The following NCKAP5 variants were observed in gnomAD, a reference collection of about 807,000 sequenced individuals.
NCKAP5 encodes nck-associated protein 5.
Under a neutral mutation model 167.0 loss-of-function variants are expected in NCKAP5, and 92 were observed. The observed-to-expected ratio is 0.55, with a 90% CI of 0.47 to 0.66. NCKAP5 has a LOEUF of 0.66. Ranked by LOEUF, NCKAP5 falls within the 30% of genes least tolerant of loss-of-function variation. The pLI is 0.00. For missense variants in NCKAP5, 2,378 were observed against 2,315.0 expected (o/e 1.03, Z -0.56); for synonymous variants, 891 against 877.4 (o/e 1.02, Z -0.27).
At chr2:132,685,941 A>C (rs1241453161) in intron 19 of NCKAP5, among the ~76,000 whole-genome samples, 1 of 152,094 alleles carries the variant, frequency 6.6e-6, no homozygotes, top group Non-Finnish European at 1.5e-5. Flanking sequence ...CCAGCAGTGA[A>C]ATGGAAAGAG....
At chr2:133,409,726 G>T (rs1688662002) in intron 3 of NCKAP5, among the ~76,000 whole-genome samples, 1 of 152,104 alleles carries the variant, frequency 6.6e-6, no homozygotes, top group Non-Finnish European at 1.5e-5. Flanking sequence ...GGTCTACATT[G>T]TTCATCAGAT....
chr2:132,995,566 G>A (rs1252723220), intron 6 of NCKAP5, among the ~76,000 whole-genome samples: 5 of 151,714 alleles, frequency 3.3e-5, no homozygotes, highest in Admixed American at 2.0e-4. Flanking sequence ...CAGGAGAATC[G>A]CTTGAACCTG....
intron 11 of NCKAP5, among the ~76,000 whole-genome samples, chr2:132,839,549 G>A (rs998852828): frequency 4.7e-5 from 7 of 150,224 alleles, no homozygotes; most frequent in Admixed American, 1.3e-4. Flanking sequence ...TTGCTTAAGC[G>A]CAGGAGTTCA....
chr2:133,128,742 C>A (rs2082486815), intron 6 of NCKAP5, among the ~76,000 whole-genome samples: 1 of 152,048 alleles, frequency 6.6e-6, no homozygotes, highest in South Asian at 2.1e-4. Context: ...GGAATACAGG[C>A]ACCTGCCATC....
intron 10 of NCKAP5, among the ~76,000 whole-genome samples, chr2:132,866,895 T>G (rs1267350306): frequency 1.3e-5 from 2 of 152,136 alleles, no homozygotes; most frequent in African/African-American, 4.8e-5. Context: ...AAAAAGAAAT[T>G]TTAGTCTTTT....
chr2:133,599,281 C>G, the NCKAP5 span, among the ~76,000 whole-genome samples: 1 of 152,298 alleles, frequency 6.6e-6, no homozygotes, highest in East Asian at 1.9e-4. Flanking sequence ...TCCTAGAAGG[C>G]ACTTTGAGAA....
At chr2:133,272,938 T>G (rs538236822) in intron 4 of NCKAP5, among the ~76,000 whole-genome samples, 19 of 152,354 alleles carry the variant, frequency 1.2e-4, no homozygotes, top group African/African-American at 4.6e-4. Flanking sequence ...CACATTTTAT[T>G]TATCCATTCA....
chr2:132,758,119 C>T (rs146911747), intron 16 of NCKAP5, among the ~76,000 whole-genome samples: 341 of 152,308 alleles, frequency 2.2e-3, no homozygotes, highest in Admixed American at 3.7e-3. Context: ...TTGAGTTAGC[C>T]TCCTGTCTCC....
Position 133,012,524 on chromosome 2 carries a change from A to G in NCKAP5, c.342-18285T>C, listed in dbSNP as rs140907057. Among the ~76,000 whole-genome samples the G allele has an allele frequency of 5.7e-3, 867 of 152,278 alleles. 11 individuals are homozygous for G. The highest frequency in any genetic ancestry group is 0.019 in the African/African-American group (810 of 41,546). ...CGGCCTCCCAAAGTGCTGGGATTAC[A>G]GGCGTGTCAGAGTGGTTTCTTATCA... On this transcript the variant is annotated intron_variant, in intron 6 of 19. Transcript: ENST00000409261.
chr2:133,356,167 T>C (rs1331539663), intron 3 of NCKAP5, among the ~76,000 whole-genome samples: 1 of 152,074 alleles, frequency 6.6e-6, no homozygotes, highest in Non-Finnish European at 1.5e-5. Flanking sequence ...ACTCAAGCAA[T>C]CCAACCATCT....
intron 6 of NCKAP5, among the ~76,000 whole-genome samples, chr2:133,102,200 G>A (rs1036646081): frequency 1.3e-5 from 2 of 152,126 alleles, no homozygotes; most frequent in African/African-American, 4.8e-5. Flanking sequence ...AGGCTGGAGT[G>A]CAGTGGCACG....
chr2:133,654,953 C>T, the NCKAP5 span, among the ~76,000 whole-genome samples: 1 of 152,196 alleles, frequency 6.6e-6, no homozygotes, highest in African/African-American at 2.4e-5. Flanking sequence ...GAGTTAACCA[C>T]TCTAATTCAA....
At chr2:133,286,533 A>G (rs1679155688) in intron 4 of NCKAP5, among the ~76,000 whole-genome samples, 1 of 152,214 alleles carries the variant, frequency 6.6e-6, no homozygotes, top group South Asian at 2.1e-4. Context: ...AATTTTAGGT[A>G]TTTTGCCTAA....
At chr2:133,544,384 A>C (rs1686483634) in intron 2 of NCKAP5, among the ~76,000 whole-genome samples, 1 of 152,234 alleles carries the variant, frequency 6.6e-6, no homozygotes, top group African/African-American at 2.4e-5. Flanking sequence ...AGAAACCTAC[A>C]TGGAAAATAC....
chr2:132,755,904 G>A (rs759482140), intron 16 of NCKAP5, among the ~76,000 whole-genome samples: 11 of 141,030 alleles, frequency 7.8e-5, no homozygotes, highest in Admixed American at 3.5e-4. Flanking sequence ...AATGAAGATC[G>A]ATGCTTGAGT....
chr2:133,647,356 AAAGG>A, the NCKAP5 span, among the ~76,000 whole-genome samples: 97 of 121,726 alleles, frequency 8.0e-4, 7 homozygotes, highest in Non-Finnish European at 1.4e-4. Context: ...GAAAGGAAAG[AAAGG>A]AAGGAAGGAA....
intron 16 of NCKAP5, among the ~76,000 whole-genome samples, chr2:132,739,941 A>C (rs1404369841): frequency 1.3e-5 from 2 of 152,160 alleles, no homozygotes; most frequent in African/African-American, 4.8e-5. Flanking sequence ...TTGTTTACAG[A>C]CTTATGACAT....
chr2:133,259,944 G>C (rs1286563794), intron 4 of NCKAP5, among the ~76,000 whole-genome samples: 2 of 152,130 alleles, frequency 1.3e-5, no homozygotes, highest in East Asian at 3.9e-4. Flanking sequence ...AAATGTCTTG[G>C]GGAAAATTGG....
At chr2:133,392,761 T>C (rs1040881075) in intron 3 of NCKAP5, among the ~76,000 whole-genome samples, 5 of 152,168 alleles carry the variant, frequency 3.3e-5, no homozygotes, top group Non-Finnish European at 7.3e-5. Flanking sequence ...CAAACTCTTA[T>C]ATATACTCAG....
Sources: allele counts gnomAD v4.1 joint callset (sites outside exome capture counted in the v4.1 genomes callset), GRCh38; gene constraint gnomAD v4.1.1; transcripts MANE v1.5; gene names NCBI Gene and HGNC (gene_info 2026-07-23, HGNC 2026-07-21).